PIEZO2: variants seen among roughly 807,000 people sequenced by gnomAD.
PIEZO2 encodes piezo type mechanosensitive ion channel component 2.
In PIEZO2, 172 loss-of-function variants were observed where a neutral mutation model predicts 337.3. That is an observed-to-expected ratio of 0.51 (90% CI 0.45 to 0.58). The LOEUF is 0.58. Among genes scored for constraint, PIEZO2 ranks in the 20% least tolerant of loss-of-function variants. The probability of loss-of-function intolerance (pLI) is 0.00; values close to 1 mark genes in which losing one functional copy is unlikely to be tolerated. For missense variants in PIEZO2, 3,028 were observed against 3,391.3 expected (o/e 0.89, Z 2.66); for synonymous variants, 1,251 against 1,228.5 (o/e 1.02, Z -0.38).
chr18:10,770,744 T>C (rs997155212), intron 20 of PIEZO2, among the ~76,000 whole-genome samples: 1 of 119,534 alleles, frequency 8.4e-6, no homozygotes, highest in African/African-American at 3.2e-5. Context: ...CCTTCCTTCC[T>C]TCCTTCCTTC....
chr18:10,725,390 G>C lies in PIEZO2; in HGVS notation c.5029+6017C>G, dbSNP rs576430921. 9.0e-5 allele frequency: 145 copies of C among 1,605,656 alleles called. No individual in the cohort carries two copies. The African/African-American group carries it at 1.6e-3, about 18-fold the overall frequency. Reference sequence around the variant, plus strand: ...CGGTGATGATGGTGGAGAACAGCCGGCCCACATTGGCGGTCAACCTGACCA... The same window carrying C: ...CGGTGATGATGGTGGAGAACAGCCGCCCCACATTGGCGGTCAACCTGACCA... On this transcript the variant is annotated intron_variant, in intron 36 of 55. Transcript: ENST00000674853.
At chr18:10,804,518 C>T (rs190328648) in intron 8 of PIEZO2, among the ~76,000 whole-genome samples, 120 of 152,274 alleles carry the variant, frequency 7.9e-4, no homozygotes, top group South Asian at 2.1e-4. Flanking sequence ...AGAAGCGCTT[C>T]GGTGCCTTAG....
rs575596942 is a variant in PIEZO2, at chr18:10,846,530, A to G, written c.917+8823T>C. Among the ~76,000 whole-genome samples, 4 of 152,326 alleles carry G rather than the reference A, an allele frequency of 2.6e-5. No homozygotes were observed. The East Asian group carries it at 7.7e-4, about 29-fold the overall frequency. The stretch of plus-strand genomic sequence containing the variant: ...GAAGCTTGAACTAAGAGTTCCTGAG[A>G]GGCCAATGTATGTCAGCAGTGTTAA... On this transcript the variant is annotated intron_variant, in intron 7 of 55. Coordinates refer to ENST00000674853, the MANE Select transcript of PIEZO2 (RefSeq NM_001378183.1). This position sits in a 1 kb window ranked among gnomAD's most constrained non-coding sequence, Gnocchi z 4.1.
At chr18:10,807,375 C>T in intron 7 of PIEZO2, 101 bp from the exon 8 acceptor site, 1 of 1,048,506 alleles carries the variant, frequency 9.5e-7, no homozygotes, top group East Asian at 2.6e-5. Flanking sequence ...TGAGCTATTC[C>T]TAGGTTGATC....
intron 1 of PIEZO2, among the ~76,000 whole-genome samples, chr18:11,121,019 G>A (rs1470345788): frequency 6.6e-6 from 1 of 152,166 alleles, no homozygotes. Context: ...TTGGGAGGCT[G>A]AGGCAAGTGG....
chr18:10,705,615 G>A lies in PIEZO2; in HGVS notation c.5720C>T (p.Ala1907Val). Residue 1907 changes from alanine (A) to valine (V), a missense_variant, in exon 41 of 56, where the codon GCC becomes GTC. Transcript: ENST00000674853. ...CATGGCTCCCACATCGTACCCAGTG[G>A]CCTCGTACTCCTTGGCCTCCCTGGG... ...PEPREAKEYE[A>V]TGYDVGAMGA... 1 of 1,537,184 alleles carries A rather than the reference G, an allele frequency of 6.5e-7. No individual in the cohort carries two copies. Among genetic ancestry groups the A allele is most frequent in the South Asian group, 1.2e-5 (1 of 84,062 alleles).
intron 21 of PIEZO2, among the ~76,000 whole-genome samples, chr18:10,765,008 C>T (rs1173902373): frequency 6.6e-6 from 1 of 152,184 alleles, no homozygotes; most frequent in East Asian, 1.9e-4. Flanking sequence ...AAAGACAGCA[C>T]AATTAATTTA....
chr18:10,959,502 A>G (rs1476016438), intron 3 of PIEZO2, among the ~76,000 whole-genome samples: 1 of 152,226 alleles, frequency 6.6e-6, no homozygotes, highest in Non-Finnish European at 1.5e-5. Flanking sequence ...GAGATGTCTT[A>G]TAACACATTC....
chr18:10,739,974 C>T (rs2069237798), intron 33 of PIEZO2: 2 of 152,278 alleles, frequency 1.3e-5, no homozygotes, highest in South Asian at 4.1e-4. Flanking sequence ...TATTTGATTT[C>T]CTAGTGATTC....
At position 10,673,406 on chromosome 18, in the gene PIEZO2, G is replaced by A. The variant is rs560411699; in HGVS notation, c.8162-533C>T. Among the ~76,000 whole-genome samples the A allele has an allele frequency of 6.6e-6, 1 of 152,314 alleles. No individual in the cohort carries two copies. Among genetic ancestry groups the A allele is most frequent in the East Asian group, 1.9e-4 (1 of 5,182 alleles). ...CATGGGACCAGCATTGACAAGGTCTGTTGGCTTAGAGAGACCACTTCTGGA... is the reference window on the plus strand; with the variant it reads ...CATGGGACCAGCATTGACAAGGTCTATTGGCTTAGAGAGACCACTTCTGGA... On this transcript the variant is annotated intron_variant, in intron 54 of 55. Transcript: ENST00000674853. The surrounding 1 kb of genome is among the most constrained non-coding windows in gnomAD (Gnocchi z 4.8).
At chr18:11,040,134 G>T (rs7229325) in intron 2 of PIEZO2, among the ~76,000 whole-genome samples, 31,086 of 150,612 alleles carry the variant, frequency 0.21, 3,698 homozygotes, top group African/African-American at 0.33. Context: ...CTTCATATCA[G>T]CTATGTCAAA....
In PIEZO2 at chr18:11,009,800, G is replaced by C. The variant is rs770235639; in HGVS notation, c.161-30140C>G. ...GAGGTGGGCCTAATCCAGTATGCCC[G>C]GTGTCCTTGTAAGAAGAGGAGAGTA... On this transcript the variant is annotated intron_variant, in intron 2 of 55. Transcript: ENST00000674853. The surrounding 1 kb of genome is among the most constrained non-coding windows in gnomAD (Gnocchi z 4.6). Among the ~76,000 whole-genome samples, 1 of 151,908 alleles carries C rather than the reference G, an allele frequency of 6.6e-6. No homozygotes were observed. Among genetic ancestry groups the C allele is most frequent in the African/African-American group, 2.4e-5 (1 of 41,330 alleles).
chr18:11,006,510 C>G (rs1354220433), intron 2 of PIEZO2, among the ~76,000 whole-genome samples: 1 of 152,154 alleles, frequency 6.6e-6, no homozygotes, highest in African/African-American at 2.4e-5. Context: ...AAGAAGGGAA[C>G]AAGCACTCTT....
chr18:10,824,620 C>A lies in PIEZO2; in HGVS notation c.918-17346G>T, dbSNP rs570702646. ...AATCCATCTATCTATATATCCATAT[C>A]TATATTTGATATGAAACAAGTTCCA... On this transcript the variant is annotated intron_variant, in intron 7 of 55. Transcript: ENST00000674853. The surrounding 1 kb of genome is among the most constrained non-coding windows in gnomAD (Gnocchi z 4.4). Among the ~76,000 whole-genome samples the A allele has an allele frequency of 6.6e-6, 1 of 152,136 alleles. No individual in the cohort carries two copies. The highest frequency in any genetic ancestry group is 1.9e-4 in the East Asian group (1 of 5,176).
At chr18:10,798,143 G>C (rs1359652090) in intron 11 of PIEZO2, among the ~76,000 whole-genome samples, 3 of 152,248 alleles carry the variant, frequency 2.0e-5, no homozygotes, top group Non-Finnish European at 4.4e-5. Flanking sequence ...CTTCAGCTGA[G>C]ATAGCAGCTT....
chr18:10,698,832 C>A, intron 44 of PIEZO2, 93 bp downstream of exon 44: 1 of 1,432,506 alleles, frequency 7.0e-7, no homozygotes, highest in Admixed American at 2.5e-5. Flanking sequence ...TGATAGCACC[C>A]AATACACTCC....
intron 3 of PIEZO2, among the ~76,000 whole-genome samples, chr18:10,931,943 C>T (rs9946267): frequency 0.021 from 3,145 of 152,214 alleles, 109 homozygotes; most frequent in African/African-American, 0.069. Flanking sequence ...TAATGAATGA[C>T]GCTGTGAATA....
rs753777489 is a variant in PIEZO2, at chr18:11,048,593, G to C, written c.160+17534C>G. Among the ~76,000 whole-genome samples the C allele has an allele frequency of 1.6e-4, 25 of 152,276 alleles. No individual in the cohort carries two copies. The highest frequency in any genetic ancestry group is 5.5e-4 in the African/African-American group (23 of 41,572). ...ATTAATTTTATAGTAAGATACAGCA[G>C]AATGAGGGAAATGCTTATATAGATA... On this transcript the variant is annotated intron_variant, in intron 2 of 55. Coordinates refer to ENST00000674853, the MANE Select transcript of PIEZO2 (RefSeq NM_001378183.1). This position sits in a 1 kb window ranked among gnomAD's most constrained non-coding sequence, Gnocchi z 4.5.
chr18:10,834,672 A>G lies in PIEZO2; in HGVS notation c.917+20681T>C, dbSNP rs1568112882. On this transcript the variant is annotated intron_variant, in intron 7 of 55. Coordinates refer to ENST00000674853, the MANE Select transcript of PIEZO2 (RefSeq NM_001378183.1). The surrounding 1 kb of genome is among the most constrained non-coding windows in gnomAD (Gnocchi z 4.5). ...AGGAAGAAGAAGCCAAAGCCGCAGG[A>G]GGCTAGATCAGAGAGGAAGCCTGGC... Among the ~76,000 whole-genome samples the G allele has an allele frequency of 6.6e-6, 1 of 152,156 alleles. No individual in the cohort carries two copies. Among genetic ancestry groups the G allele is most frequent in the Non-Finnish European group, 1.5e-5 (1 of 68,026 alleles).
Sources: gnomAD v4.1 joint callset for allele counts (sites outside exome capture counted in the v4.1 genomes callset) on GRCh38, gnomAD v4.1.1 for gene constraint, Gnocchi (gnomAD v3.1) non-coding constraint, MANE v1.5 for transcripts, NCBI Gene and HGNC (gene_info 2026-07-23, HGNC 2026-07-21) for gene names.